Variants in RYR3 observed in about 807,000 individuals in gnomAD.
The protein encoded by RYR3 is ryanodine receptor 3.
A neutral mutation model predicts 584.3 loss-of-function variants in RYR3; 207 were observed. The observed-to-expected ratio is 0.35, with a 90% CI of 0.32 to 0.40. RYR3 has a LOEUF of 0.40. RYR3 is among the 10% of genes least tolerant of loss of function. The pLI is 1.00. For synonymous variants in RYR3, 2,416 were observed against 2,248.5 expected (o/e 1.07, Z -2.11); for missense variants, 5,616 against 6,089.2 (o/e 0.92, Z 2.59).
In RYR3 at chr15:33,422,905, G is replaced by C. The variant is rs531010784; in HGVS notation, c.52-50514G>C. Among the ~76,000 whole-genome samples, 14 of 152,292 alleles carry C rather than the reference G, an allele frequency of 9.2e-5. No individual in the cohort carries two copies. In the East Asian group the frequency reaches 2.3e-3, roughly 25 times the overall value. On this transcript the variant is annotated intron_variant, in intron 1 of 103. Coordinates refer to ENST00000634891, the MANE Select transcript of RYR3 (RefSeq NM_001036.6). ...GCATTTGACATAGACCTAAAGACAAGACAAGGTTGCATTTATTCCCTCTTG... is the reference window on the plus strand; with the variant it reads ...GCATTTGACATAGACCTAAAGACAACACAAGGTTGCATTTATTCCCTCTTG...
At chr15:33,801,034 G>A (rs1283720616) in intron 68 of RYR3, among the ~76,000 whole-genome samples, 177 bp downstream of exon 68, 2 of 152,230 alleles carry the variant, frequency 1.3e-5, no homozygotes, top group Non-Finnish European at 2.9e-5. Flanking sequence ...TGCCCAAGGT[G>A]GTTGGGTTAC....
chr15:33,455,693 G>A (rs1031997815), intron 1 of RYR3, among the ~76,000 whole-genome samples: 1 of 152,104 alleles, frequency 6.6e-6, no homozygotes, highest in African/African-American at 2.4e-5. Context: ...AGAACAAACG[G>A]GTACAGCTTT....
At chr15:33,514,382 G>A (rs907528804) in intron 3 of RYR3, among the ~76,000 whole-genome samples, 2 of 152,120 alleles carry the variant, frequency 1.3e-5, no homozygotes, top group African/African-American at 4.8e-5. Context: ...GGGTGTTCTA[G>A]AAGAATGAAT....
At chr15:33,746,823 T>C (rs2070766410) in intron 53 of RYR3, among the ~76,000 whole-genome samples, 2 of 150,962 alleles carry the variant, frequency 1.3e-5, no homozygotes, top group African/African-American at 4.9e-5. Context: ...TTTTTTTCTC[T>C]TTTGAGGCAG....
chr15:33,696,951 G>A (rs550699718), intron 39 of RYR3, among the ~76,000 whole-genome samples: 1 of 152,114 alleles, frequency 6.6e-6, no homozygotes, highest in South Asian at 2.1e-4. Context: ...GTAGCTCATG[G>A]CTCTCCCTTA....
intron 10 of RYR3, among the ~76,000 whole-genome samples, chr15:33,559,549 G>T (rs906593232): frequency 2.6e-5 from 4 of 152,138 alleles, no homozygotes; most frequent in Admixed American, 2.6e-4. Context: ...GGCAAGGCTG[G>T]GGTAAACAGT....
chr15:33,743,225 T>A (rs1021945868), intron 52 of RYR3, among the ~76,000 whole-genome samples: 2 of 152,074 alleles, frequency 1.3e-5, no homozygotes, highest in African/African-American at 4.8e-5. Context: ...TCTGTGTGGA[T>A]GTAGGCTCAG....
intron 81 of RYR3, among the ~76,000 whole-genome samples, chr15:33,823,558 C>T (rs2077218590): frequency 6.6e-6 from 1 of 152,194 alleles, no homozygotes; most frequent in Non-Finnish European, 1.5e-5. Flanking sequence ...TATTTTGACA[C>T]ATCCATTTTG....
intron 55 of RYR3, among the ~76,000 whole-genome samples, chr15:33,748,918 C>T (rs1291441358): frequency 1.3e-5 from 2 of 152,108 alleles, no homozygotes; most frequent in East Asian, 1.9e-4. Flanking sequence ...CCCCCATATA[C>T]TTTAAATTAT....
chr15:33,609,526 C>T (rs951961717), intron 18 of RYR3, among the ~76,000 whole-genome samples: 1 of 152,148 alleles, frequency 6.6e-6, no homozygotes, highest in Non-Finnish European at 1.5e-5. Flanking sequence ...CAGTGGCGTG[C>T]GCCTGTAGTC....
At chr15:33,824,719 C>T (rs753181292) in intron 81 of RYR3, among the ~76,000 whole-genome samples, 6 of 152,204 alleles carry the variant, frequency 3.9e-5, no homozygotes, top group Non-Finnish European at 8.8e-5. Flanking sequence ...GATTTTTCTC[C>T]ATGCCTTTGC....
At chr15:33,337,495 C>A (rs1971260098) in intron 1 of RYR3, among the ~76,000 whole-genome samples, 1 of 151,980 alleles carries the variant, frequency 6.6e-6, no homozygotes, top group African/African-American at 2.4e-5. Flanking sequence ...ATGTATGAGG[C>A]CAGTACAAAC....
Position 33,631,074 on chromosome 15 carries a change from C to T in RYR3, c.2784-136C>T, listed in dbSNP as rs942587300. 10 of 578,238 alleles carry T rather than the reference C, an allele frequency of 1.7e-5. No individual in the cohort carries two copies. In the South Asian group the frequency reaches 2.3e-4, roughly 13 times the overall value. 35.8% of individuals were successfully genotyped at this position (578,238 alleles called of 1,614,324 possible). On this transcript the variant is annotated intron_variant, in intron 22 of 103. Coordinates refer to ENST00000634891, the MANE Select transcript of RYR3 (RefSeq NM_001036.6). ...AAGCCTAAGGCATTTACTCTGTGGC[C>T]CCTTACAGAAAAAGTCTACTGACCC...
chr15:33,558,841 T>A (rs1355037329), intron 10 of RYR3, among the ~76,000 whole-genome samples: 1 of 152,156 alleles, frequency 6.6e-6, no homozygotes, highest in Non-Finnish European at 1.5e-5. Flanking sequence ...CCAAGAGGAA[T>A]GGACACGCCA....
intron 98 of RYR3, 134 bp from the exon 99 acceptor site, chr15:33,857,646 G>A (rs779985542): frequency 2.2e-5 from 23 of 1,067,450 alleles, no homozygotes; most frequent in East Asian, 1.7e-4. Flanking sequence ...TTTCTTAGCC[G>A]CCCTCCACCC....
intron 99 of RYR3, 123 bp downstream of exon 99, chr15:33,858,037 C>A: frequency 1.6e-6 from 2 of 1,258,248 alleles, no homozygotes; most frequent in Non-Finnish European, 2.2e-6. Context: ...TTACAGAGCA[C>A]AGCAGAGATT....
intron 1 of RYR3, among the ~76,000 whole-genome samples, chr15:33,402,002 G>A (rs2042707828): frequency 6.6e-6 from 1 of 152,178 alleles, no homozygotes; most frequent in Non-Finnish European, 1.5e-5. Flanking sequence ...AGTAGACTGA[G>A]AAAGATGAGG....
In RYR3 at chr15:33,516,314, C is replaced by T. The variant is rs1401121825; in HGVS notation, c.279+12576C>T. On this transcript the variant is annotated intron_variant, in intron 3 of 103. Transcript: ENST00000634891. Reference sequence around the variant, plus strand: ...TAACATACATGTATATCCCTCTAAACCAAAAGACTCGTATCTGTAAGATCT... The same window carrying T: ...TAACATACATGTATATCCCTCTAAATCAAAAGACTCGTATCTGTAAGATCT... 2.0e-5 allele frequency among the ~76,000 whole-genome samples: 3 copies of T among 151,874 alleles called. No individual in the cohort carries two copies. The East Asian group carries it at 5.8e-4, about 29-fold the overall frequency.
chr15:33,778,113 T>C (rs928489775), intron 64 of RYR3, among the ~76,000 whole-genome samples: 2 of 151,998 alleles, frequency 1.3e-5, no homozygotes, highest in African/African-American at 4.8e-5. Context: ...GAGCTTGCAG[T>C]GAGCTGAGAT....
Sources: allele counts gnomAD v4.1 joint callset (sites outside exome capture counted in the v4.1 genomes callset), GRCh38; gene constraint gnomAD v4.1.1; transcripts MANE v1.5; gene names NCBI Gene and HGNC (gene_info 2026-07-23, HGNC 2026-07-21).